TEAD4: variants seen among roughly 807,000 people sequenced by gnomAD.
The protein encoded by TEAD4 is transcriptional enhancer factor TEF-3.
A neutral mutation model predicts 52.4 loss-of-function variants in TEAD4; 36 were observed. The ratio of observed to expected loss-of-function variants is 0.69; its 90% CI spans 0.53 to 0.91. The LOEUF (loss-of-function observed/expected upper bound fraction) is 0.91. TEAD4 is among the 40% of genes least tolerant of loss of function. The pLI is 0.00. For synonymous variants in TEAD4, 220 were observed against 231.0 expected (o/e 0.95, Z 0.43); for missense variants, 508 against 583.9 (o/e 0.87, Z 1.34).
chr12:2,980,874 A>G (rs751681036), intron 2 of TEAD4, among the ~76,000 whole-genome samples: 2 of 152,208 alleles, frequency 1.3e-5, no homozygotes, highest in Non-Finnish European at 2.9e-5. Context: ...ATCTCAAGAA[A>G]AAAGCAGCAT....
chr12:2,996,314 C>T (rs562216761), intron 3 of TEAD4, among the ~76,000 whole-genome samples: 4 of 152,278 alleles, frequency 2.6e-5, no homozygotes, highest in South Asian at 4.1e-4. Context: ...TCCCCAGGGT[C>T]GCCCTTACTT....
chr12:2,962,348 T>TATATATATATA (rs1237615183), intron 2 of TEAD4, among the ~76,000 whole-genome samples: 1 of 32,324 alleles, frequency 3.1e-5, no homozygotes, highest in Non-Finnish European at 1.2e-4. Context: ...ATATATATAT[T>TATATATATATA]TTTTGAGATG....
intron 2 of TEAD4, among the ~76,000 whole-genome samples, chr12:2,989,232 A>G (rs2098241145): frequency 6.6e-6 from 1 of 152,106 alleles, no homozygotes; most frequent in Non-Finnish European, 1.5e-5. Context: ...ATGAGCCACC[A>G]TGCCCAGCCC....
chr12:3,005,662 A>T (rs1391347622), intron 3 of TEAD4, among the ~76,000 whole-genome samples: 2 of 150,312 alleles, frequency 1.3e-5, no homozygotes, highest in African/African-American at 5.0e-5. Flanking sequence ...ATGCCCGGCT[A>T]TATTTTTTTT....
chr12:3,006,698 T>C (rs1323132867), intron 3 of TEAD4, among the ~76,000 whole-genome samples: 1 of 148,572 alleles, frequency 6.7e-6, no homozygotes, highest in Non-Finnish European at 1.5e-5. Context: ...AAGTGAAAAA[T>C]AAAAATAATC....
chr12:3,018,502 T>C (rs1170430393), intron 6 of TEAD4, 43 bp from the exon 7 acceptor site: 2 of 1,613,374 alleles, frequency 1.2e-6, no homozygotes, highest in South Asian at 2.2e-5. Flanking sequence ...GGGCCCCGGG[T>C]GCACCTGGGG....
At chr12:3,005,535 C>T (rs1040804815) in intron 3 of TEAD4, among the ~76,000 whole-genome samples, 9 of 151,808 alleles carry the variant, frequency 5.9e-5, no homozygotes, top group Admixed American at 3.3e-4. Flanking sequence ...CTCGCTCTAT[C>T]GCCCAGGCTG....
chr12:2,966,067 A>G (rs1426963614), intron 2 of TEAD4, among the ~76,000 whole-genome samples: 1 of 152,072 alleles, frequency 6.6e-6, no homozygotes, highest in Non-Finnish European at 1.5e-5. Flanking sequence ...GAGTGTGAAA[A>G]TGAAGTGAGA....
chr12:2,973,320 C>T (rs1336631123), intron 2 of TEAD4, among the ~76,000 whole-genome samples: 1 of 152,206 alleles, frequency 6.6e-6, no homozygotes, highest in Non-Finnish European at 1.5e-5. Flanking sequence ...GTCCACCCGC[C>T]TCGCCTCCCA....
At chr12:3,011,100 G>C in intron 4 of TEAD4, 32 bp downstream of exon 4, 1 of 1,612,690 alleles carries the variant, frequency 6.2e-7, no homozygotes, top group East Asian at 2.2e-5. Context: ...GGGGTCCCGG[G>C]GGTGGTACCC....
At chr12:2,989,877 G>C (rs2098241677) in intron 2 of TEAD4, among the ~76,000 whole-genome samples, 1 of 152,086 alleles carries the variant, frequency 6.6e-6, no homozygotes, top group Non-Finnish European at 1.5e-5. Context: ...ATTTATCCTG[G>C]TTAGGATTCA....
intron 2 of TEAD4, among the ~76,000 whole-genome samples, chr12:2,962,494 C>T (rs2098216621): frequency 6.6e-6 from 1 of 151,696 alleles, no homozygotes; most frequent in South Asian, 2.1e-4. Context: ...CGCCACCGTG[C>T]CCCACTAATT....
At position 3,040,563 on chromosome 12, in the gene TEAD4, G is replaced by A; in HGVS notation, c.*85G>A. The A allele has an allele frequency of 8.2e-7, 1 of 1,226,210 alleles. No individual in the cohort carries two copies. Among genetic ancestry groups the A allele is most frequent in the Non-Finnish European group, 1.2e-6 (1 of 850,384 alleles). 76.0% of individuals were successfully genotyped at this position (1,226,210 alleles called of 1,614,324 possible). On this transcript the variant is annotated 3_prime_UTR_variant, in exon 13 of 13. Transcript: ENST00000359864. Reference sequence around the variant, plus strand: ...AGGGGACCTGCAGGGGCAGCCCCCTGAAGTGCCAAGAGAGCTGAGAGGAGC... The same window carrying A: ...AGGGGACCTGCAGGGGCAGCCCCCTAAAGTGCCAAGAGAGCTGAGAGGAGC...
chr12:3,012,509 C>A (rs1565542390), intron 5 of TEAD4, among the ~76,000 whole-genome samples: 1 of 152,184 alleles, frequency 6.6e-6, no homozygotes, highest in Non-Finnish European at 1.5e-5. Flanking sequence ...CGGCTCAGAG[C>A]AGCCGGATCA....
chr12:2,999,270 TCCCCAGAGCTCTGGTCTTTTCTCCC>T (rs1479360643), intron 3 of TEAD4, among the ~76,000 whole-genome samples: 1 of 152,092 alleles, frequency 6.6e-6, no homozygotes, highest in Non-Finnish European at 1.5e-5. Context: ...GCTTCTAGCA[TCCCCAGAGCTCTGGTCTTTTCTCCC>T]CCCTCACTTC....
intron 4 of TEAD4, 83 bp from the exon 5 acceptor site, chr12:3,012,087 G>C: frequency 7.0e-7 from 1 of 1,423,108 alleles, no homozygotes; most frequent in South Asian, 1.2e-5. Flanking sequence ...GTTGAGGGCT[G>C]TGGAGGGCGA....
At chr12:3,005,388 G>A (rs2098255024) in intron 3 of TEAD4, among the ~76,000 whole-genome samples, 1 of 152,204 alleles carries the variant, frequency 6.6e-6, no homozygotes, top group Non-Finnish European at 1.5e-5. Flanking sequence ...CAATCTCCTG[G>A]ACTCAAGTGA....
intron 3 of TEAD4, among the ~76,000 whole-genome samples, chr12:3,008,045 A>G (rs559223869): frequency 9.9e-4 from 151 of 152,352 alleles, no homozygotes; most frequent in Non-Finnish European, 1.8e-3. Flanking sequence ...GGTGGGTATA[A>G]ATAAGTGAAT....
At chr12:2,989,981 T>C (rs557096113) in intron 2 of TEAD4, among the ~76,000 whole-genome samples, 1 of 152,354 alleles carries the variant, frequency 6.6e-6, no homozygotes, top group East Asian at 1.9e-4. Flanking sequence ...GTATTTATTT[T>C]CTATGTTCTC....
Sources: gnomAD v4.1 joint callset for allele counts (sites outside exome capture counted in the v4.1 genomes callset) on GRCh38, gnomAD v4.1.1 for gene constraint, MANE v1.5 for transcripts, NCBI Gene and HGNC (gene_info 2026-07-23, HGNC 2026-07-21) for gene names.